NFYC: variants seen among roughly 807,000 people sequenced by gnomAD.
The protein encoded by NFYC is CAAT box DNA-binding protein subunit C.
Under a neutral mutation model 53.1 loss-of-function variants are expected in NFYC, and 25 were observed. The ratio of observed to expected loss-of-function variants is 0.47; its 90% CI spans 0.34 to 0.66. NFYC has a LOEUF of 0.66. Among genes scored for constraint, NFYC ranks in the 30% least tolerant of loss-of-function variants. NFYC has a pLI of 0.01. For synonymous variants in NFYC, 145 were observed against 152.6 expected (o/e 0.95, Z 0.37); for missense variants, 260 against 422.7 (o/e 0.62, Z 3.38).
At chr1:40,762,034 A>G (rs1646573674) in intron 6 of NFYC, among the ~76,000 whole-genome samples, 1 of 152,130 alleles carries the variant, frequency 6.6e-6, no homozygotes, top group Non-Finnish European at 1.5e-5. Flanking sequence ...TGAAAGAATA[A>G]TTGACCCTTT....
intron 1 of NFYC, among the ~76,000 whole-genome samples, chr1:40,708,749 A>G (rs1010424294): frequency 6.6e-6 from 1 of 152,166 alleles, no homozygotes; most frequent in African/African-American, 2.4e-5. Context: ...CATTGGCATC[A>G]CTCTGTTAGT....
At chr1:40,737,851 A>G (rs1645123210) in intron 1 of NFYC, among the ~76,000 whole-genome samples, 1 of 152,064 alleles carries the variant, frequency 6.6e-6, no homozygotes, top group African/African-American at 2.4e-5. Flanking sequence ...CCCCAGAGAA[A>G]CAGGATCACA....
intron 1 of NFYC, among the ~76,000 whole-genome samples, chr1:40,700,145 A>T (rs1487127331): frequency 6.6e-6 from 1 of 152,226 alleles, no homozygotes; most frequent in Non-Finnish European, 1.5e-5. Context: ...AACAAGATAC[A>T]TCTTCAAGGT....
chr1:40,756,283 T>C (rs1646215725), intron 5 of NFYC, among the ~76,000 whole-genome samples: 1 of 152,222 alleles, frequency 6.6e-6, no homozygotes, highest in Admixed American at 6.5e-5. Context: ...TGATGATAAG[T>C]TGGGGTTGAA....
chr1:40,736,197 C>A (rs1645016535), intron 1 of NFYC, among the ~76,000 whole-genome samples: 1 of 152,130 alleles, frequency 6.6e-6, no homozygotes, highest in Middle Eastern at 3.2e-3. Flanking sequence ...CCACTAATGT[C>A]ATTACACCAG....
At position 40,730,608 on chromosome 1, in the gene NFYC, T is replaced by TA. The variant is rs1644726158; in HGVS notation, c.-8-8226dup. The TA allele has an allele frequency of 9.1e-6, 9 of 985,084 alleles. No individual in the cohort carries two copies. In the South Asian group the frequency reaches 3.8e-4, roughly 41 times the overall value. The allele number at this position is 985,084 out of a possible 1,614,324, so 61.0% of individuals were successfully genotyped here. A position where few individuals can be genotyped will look rare whatever the true frequency, so the allele number is the denominator to read the frequency against. On this transcript the variant is annotated intron_variant, in intron 1 of 9. Coordinates refer to ENST00000447388, the MANE Select transcript of NFYC (RefSeq NM_014223.5). ...AAGTCACAAAAGTGAGTGAAGAAGGTAAGTGCCTTGATCATAGAGAGATAC... is the reference window on the plus strand; with the variant it reads ...AAGTCACAAAAGTGAGTGAAGAAGGTAAAGTGCCTTGATCATAGAGAGATAC...
chr1:40,771,522 T>A lies in NFYC; in HGVS notation c.*694T>A, dbSNP rs920176492. ...TTTGCTGCCCACCTCCCTTTTATTT[T>A]TTAAATGCATTAAAAACTGTGCTAG... is the stretch of plus-strand genomic sequence containing the variant. On this transcript the variant is annotated 3_prime_UTR_variant, in exon 10 of 10. Coordinates refer to ENST00000447388, the MANE Select transcript of NFYC (RefSeq NM_014223.5). 2.2e-6 allele frequency: 1 copy of A among 449,782 alleles called. No individual in the cohort carries two copies. Among genetic ancestry groups the A allele is most frequent in the African/African-American group, 2.1e-5 (1 of 48,728 alleles). The allele number at this position is 449,782 out of a possible 1,614,324, so 27.9% of individuals were successfully genotyped here.
chr1:40,733,008 G>GC (rs749788691), intron 1 of NFYC, among the ~76,000 whole-genome samples: 2,839 of 53,280 alleles, frequency 0.053, 161 homozygotes, highest in African/African-American at 0.14. Context: ...TCCAAGATTC[G>GC]CCCCCCCCCC....
At chr1:40,744,074 G>A (rs1294575400) in intron 2 of NFYC, among the ~76,000 whole-genome samples, 1 of 152,140 alleles carries the variant, frequency 6.6e-6, no homozygotes, top group Non-Finnish European at 1.5e-5. Context: ...CTAGGAACTG[G>A]GCTGCACAGC....
chr1:40,696,504 A>G (rs1570276137), intron 1 of NFYC, among the ~76,000 whole-genome samples: 1 of 152,250 alleles, frequency 6.6e-6, no homozygotes, highest in African/African-American at 2.4e-5. Context: ...TGACCTTGAC[A>G]GGGTCACTTG....
chr1:40,770,716 ACCAGAT>A lies in NFYC; in HGVS notation c.901_906del (p.Ile301_Gln302del). The A allele has an allele frequency of 6.2e-7, 1 of 1,614,098 alleles. No individual in the cohort carries two copies. The highest frequency in any genetic ancestry group is 8.5e-7 in the Non-Finnish European group (1 of 1,180,018). On this transcript the variant is annotated inframe_deletion, in exon 10 of 10. Coordinates refer to ENST00000447388, the MANE Select transcript of NFYC (RefSeq NM_014223.5). The surrounding 1 kb of genome is among the most constrained non-coding windows in gnomAD (Gnocchi z 5.3). ...CCTCTCCACCCCTCGCAGCAGCTCTACCAGATCCAGCAAGTCACCATGCCTGCGGGC... is the reference window on the plus strand; with the variant it reads ...CCTCTCCACCCCTCGCAGCAGCTCTACCAGCAAGTCACCATGCCTGCGGGC...
intron 6 of NFYC, among the ~76,000 whole-genome samples, chr1:40,759,952 T>C (rs994791122): frequency 2.0e-5 from 3 of 151,492 alleles, no homozygotes; most frequent in Non-Finnish European, 4.4e-5. Context: ...TAGAGGTAGA[T>C]TGATTGATTG....
chr1:40,746,183 T>A (rs1042922830), intron 2 of NFYC, among the ~76,000 whole-genome samples: 1 of 152,150 alleles, frequency 6.6e-6, no homozygotes, highest in Non-Finnish European at 1.5e-5. Flanking sequence ...TACTCCAGGG[T>A]TAGTTTTAGT....
chr1:40,708,513 C>T (rs1643828130), intron 1 of NFYC, among the ~76,000 whole-genome samples: 1 of 152,174 alleles, frequency 6.6e-6, no homozygotes, highest in Admixed American at 6.5e-5. Flanking sequence ...TCATTCCCCC[C>T]AACCCCTTAT....
At chr1:40,730,472 C>A in intron 1 of NFYC, 1 of 780,162 alleles carries the variant, frequency 1.3e-6, no homozygotes, top group South Asian at 5.8e-5. Flanking sequence ...GTGGGAATGG[C>A]CAGTTGGTAG....
chr1:40,693,108 A>G (rs1642927149), intron 1 of NFYC, among the ~76,000 whole-genome samples: 1 of 152,222 alleles, frequency 6.6e-6, no homozygotes, highest in African/African-American at 2.4e-5. Flanking sequence ...TGTGCCTAAA[A>G]AGTATACCCA....
chr1:40,738,629 A>G (rs1312676193), intron 1 of NFYC, among the ~76,000 whole-genome samples: 2 of 152,250 alleles, frequency 1.3e-5, no homozygotes, highest in African/African-American at 4.8e-5. Context: ...TCTCTATGGT[A>G]TAAGCTAGAT....
intron 1 of NFYC, among the ~76,000 whole-genome samples, chr1:40,731,494 G>T (rs1240269318): frequency 6.8e-6 from 1 of 146,226 alleles, no homozygotes; most frequent in Non-Finnish European, 1.5e-5. Context: ...TTTTCTTTTG[G>T]CGGGGGCGGG....
chr1:40,727,502 C>T (rs528080528), intron 1 of NFYC, among the ~76,000 whole-genome samples: 9 of 151,552 alleles, frequency 5.9e-5, no homozygotes, highest in Non-Finnish European at 1.2e-4. Context: ...GAATTACAGG[C>T]CTGAGGCACT....
Sources: gnomAD v4.1 joint callset for allele counts (sites outside exome capture counted in the v4.1 genomes callset) on GRCh38, gnomAD v4.1.1 for gene constraint, Gnocchi (gnomAD v3.1) non-coding constraint, MANE v1.5 for transcripts, NCBI Gene and HGNC (gene_info 2026-07-23, HGNC 2026-07-21) for gene names.